The following COX10 variants were observed in gnomAD, a reference collection of about 807,000 sequenced individuals.
The protein encoded by COX10 is cytochrome c oxidase assembly factor heme A:farnesyltransferase COX10, also known as protoheme IX farnesyltransferase, mitochondrial.
COX10 carries 27 observed loss-of-function variants against 37.3 expected under a neutral mutation model. That is an observed-to-expected ratio of 0.72 (90% CI 0.53 to 1.00). The LOEUF (loss-of-function observed/expected upper bound fraction) is 1.00. Among genes scored for constraint, COX10 ranks in the 50% least tolerant of loss-of-function variants. The pLI is 0.00. For missense variants in COX10, 475 were observed against 563.2 expected (o/e 0.84, Z 1.59); for synonymous variants, 222 against 229.1 (o/e 0.97, Z 0.28).
At chr17:14,082,494 T>G (rs190430003) in intron 3 of COX10, among the ~76,000 whole-genome samples, 1 of 152,292 alleles carries the variant, frequency 6.6e-6, no homozygotes, top group East Asian at 1.9e-4. Flanking sequence ...CTTGTTTCAT[T>G]AGGAACACAG....
intron 4 of COX10, among the ~76,000 whole-genome samples, chr17:14,119,961 C>T (rs1916195464): frequency 6.6e-6 from 1 of 152,048 alleles, no homozygotes; most frequent in African/African-American, 2.4e-5. Context: ...TTGCCATGCT[C>T]TAGACAAAAG....
At chr17:14,103,568 A>G (rs1245656842) in intron 4 of COX10, among the ~76,000 whole-genome samples, 1 of 152,144 alleles carries the variant, frequency 6.6e-6, no homozygotes, top group Non-Finnish European at 1.5e-5. Context: ...AAAAATAACT[A>G]AAAAGCATCA....
intron 2 of COX10, among the ~76,000 whole-genome samples, chr17:14,075,779 A>C (rs1307522883): frequency 6.6e-6 from 1 of 151,842 alleles, no homozygotes; most frequent in African/African-American, 2.4e-5. Flanking sequence ...TCATGAGGTC[A>C]GGAGATCGAG....
At chr17:14,185,988 A>G (rs1305739765) in intron 5 of COX10, among the ~76,000 whole-genome samples, 1 of 152,138 alleles carries the variant, frequency 6.6e-6, no homozygotes, top group African/African-American at 2.4e-5. Context: ...AGTGCATTTT[A>G]GGAAATCTGG....
chr17:14,112,226 G>A (rs1165892245), intron 4 of COX10, among the ~76,000 whole-genome samples: 2 of 152,014 alleles, frequency 1.3e-5, no homozygotes, highest in African/African-American at 4.8e-5. Flanking sequence ...GAACATTCAG[G>A]CTTTAAGACT....
rs777085918 is a variant in COX10 at position 14,076,888 on chromosome 17, A to G, written c.331A>G (p.Arg111Gly). ...CTCACCGCCCAGCCTATCTTTGTCC[A>G]GAAAGCCAAATGAAAAGGAATTGAT... ...PLSPPSLSLSRKPNEKELIEL... is the reference protein window; with the variant it reads ...PLSPPSLSLSGKPNEKELIEL... The change falls in exon 3 of 7, where the codon AGA (arginine) becomes GGA (glycine). Residue 111 changes from arginine to glycine, a missense_variant. Arg to Gly is a moderately radical substitution (Grantham distance 125, BLOSUM62 -2). Coordinates refer to ENST00000261643, the MANE Select transcript of COX10 (RefSeq NM_001303.4). The G allele has an allele frequency of 6.2e-7, 1 of 1,614,232 alleles. No homozygotes were observed.
chr17:14,073,322 G>C (rs937504268), intron 1 of COX10, among the ~76,000 whole-genome samples: 1 of 152,164 alleles, frequency 6.6e-6, no homozygotes, highest in Admixed American at 6.5e-5. Context: ...TGGACTTGAT[G>C]ATTGTTAATT....
intron 4 of COX10, among the ~76,000 whole-genome samples, chr17:14,117,057 T>C (rs945193273): frequency 1.3e-5 from 2 of 152,210 alleles, no homozygotes; most frequent in Admixed American, 6.5e-5. Context: ...TAATTACAAA[T>C]ATTTATTCAT....
In COX10 at chr17:14,102,116, A is replaced by C. The variant is rs753709661; in HGVS notation, c.500-2A>C. 6.2e-7 allele frequency: 1 copy of C among 1,613,494 alleles called. No individual in the cohort carries two copies. The highest frequency in any genetic ancestry group is 8.5e-7 in the Non-Finnish European group (1 of 1,179,632). On this transcript the variant is annotated splice_acceptor_variant, in intron 3 of 6. Coordinates refer to ENST00000261643, the MANE Select transcript of COX10 (RefSeq NM_001303.4). LOFTEE classifies it high-confidence loss of function. Reference sequence around the variant, plus strand: ...TGTGTCTGCTCTGTTTCTGTATCGCAGCTCTGGTTGTAAGTACCACTGCAG... The same window carrying C: ...TGTGTCTGCTCTGTTTCTGTATCGCCGCTCTGGTTGTAAGTACCACTGCAG...
intron 2 of COX10, 105 bp downstream of exon 2, chr17:14,074,561 A>G (rs957596856): frequency 8.9e-7 from 1 of 1,120,630 alleles, no homozygotes; most frequent in Non-Finnish European, 1.4e-6. Context: ...ATACTGTTTG[A>G]AAAGAACTTT....
At chr17:14,125,970 G>A (rs889769007) in intron 4 of COX10, among the ~76,000 whole-genome samples, 6 of 152,134 alleles carry the variant, frequency 3.9e-5, no homozygotes, top group Admixed American at 3.3e-4. Flanking sequence ...AAAGCCATCA[G>A]ACAACCTCCA....
chr17:14,150,153 G>A (rs578190475), intron 4 of COX10, among the ~76,000 whole-genome samples: 14 of 152,048 alleles, frequency 9.2e-5, no homozygotes, highest in Admixed American at 9.2e-4. Context: ...TGCACCTGTG[G>A]TCCCAGCTAC....
intron 5 of COX10, among the ~76,000 whole-genome samples, chr17:14,176,069 C>A (rs1485527672): frequency 6.6e-6 from 1 of 152,078 alleles, no homozygotes; most frequent in African/African-American, 2.4e-5. Flanking sequence ...ACCGTAGAAT[C>A]CCAGGAGAGA....
In COX10 at chr17:14,132,190, T is replaced by G. The variant is rs370919927; in HGVS notation, c.625-27687T>G. On this transcript the variant is annotated intron_variant, in intron 4 of 6. Transcript: ENST00000261643. ...AAGTAATTGGATTAGAAATGGATGG[T>G]TTAAGTTTACACCATTTTATTATAT... 5.0e-4 allele frequency among the ~76,000 whole-genome samples: 76 copies of G among 152,050 alleles called. No individual in the cohort carries two copies. The East Asian group carries it at 0.011, about 23-fold the overall frequency.
At chr17:14,113,331 T>C (rs1916045143) in intron 4 of COX10, among the ~76,000 whole-genome samples, 1 of 152,076 alleles carries the variant, frequency 6.6e-6, no homozygotes, top group African/African-American at 2.4e-5. Context: ...CCTTCCTCCC[T>C]TCACTCTCAT....
At chr17:14,114,433 A>T (rs1916067494) in intron 4 of COX10, among the ~76,000 whole-genome samples, 1 of 152,144 alleles carries the variant, frequency 6.6e-6, no homozygotes, top group Non-Finnish European at 1.5e-5. Context: ...AAATCTCAAT[A>T]GTAATTGAAC....
chr17:14,129,547 T>C (rs900619988), intron 4 of COX10, among the ~76,000 whole-genome samples: 3 of 152,226 alleles, frequency 2.0e-5, no homozygotes, highest in Non-Finnish European at 4.4e-5. Context: ...AGCAGAGCTA[T>C]TTTTATTTAG....
chr17:14,163,236 A>AATTT (rs56320518), intron 5 of COX10, among the ~76,000 whole-genome samples: 34,204 of 146,150 alleles, frequency 0.23, 4,996 homozygotes, highest in East Asian at 0.51. Context: ...AAGACAGGAA[A>AATTT]ATTTATTTAT....
intron 3 of COX10, among the ~76,000 whole-genome samples, chr17:14,084,312 C>G (rs1366167420): frequency 6.6e-6 from 1 of 151,752 alleles, no homozygotes; most frequent in Non-Finnish European, 1.5e-5. Context: ...AATTATATGA[C>G]TAGTAAATAT....
Sources: allele counts gnomAD v4.1 joint callset (sites outside exome capture counted in the v4.1 genomes callset), GRCh38; gene constraint gnomAD v4.1.1; transcripts MANE v1.5; gene names NCBI Gene and HGNC (gene_info 2026-07-23, HGNC 2026-07-21).